The following CUL3 variants were observed in gnomAD, a reference collection of about 807,000 sequenced individuals.
The protein encoded by CUL3 is cullin 3, also known as cullin-3.
In CUL3, 19 loss-of-function variants were observed where a neutral mutation model predicts 89.1. That is an observed-to-expected ratio of 0.21 (90% confidence interval 0.15 to 0.31). CUL3 has a LOEUF of 0.31. Among genes scored for constraint, CUL3 ranks in the 10% least tolerant of loss-of-function variants. The pLI, the probability that CUL3 is intolerant of heterozygous loss-of-function variation, is 1.00. For synonymous variants in CUL3, 351 were observed against 308.4 expected (o/e 1.14, Z -1.45); for missense variants, 469 against 942.3 (o/e 0.50, Z 6.58).
At chr2:224,490,689 C>T (rs1360370901) in intron 13 of CUL3, among the ~76,000 whole-genome samples, 1 of 143,288 alleles carries the variant, frequency 7.0e-6, no homozygotes. Flanking sequence ...ACGTTCTGCA[C>T]ATACATCCCA....
intron 1 of CUL3, among the ~76,000 whole-genome samples, chr2:224,576,003 ATG>A (rs1278753876): frequency 2.0e-5 from 3 of 152,226 alleles, no homozygotes; most frequent in African/African-American, 7.2e-5. Context: ...TCTGTGAGGA[ATG>A]TATTAACATA....
intron 1 of CUL3, 114 bp from the exon 2 acceptor site, chr2:224,557,970 T>C (rs1574693747): frequency 1.6e-6 from 1 of 611,728 alleles, no homozygotes. Context: ...ATAGATATGA[T>C]TATAAATCTA....
At chr2:224,521,210 A>C (rs1411148389) in intron 3 of CUL3, among the ~76,000 whole-genome samples, 2 of 152,216 alleles carry the variant, frequency 1.3e-5, no homozygotes, top group Non-Finnish European at 2.9e-5. Context: ...ACCCAAGGAA[A>C]GAAACAACTT....
intron 13 of CUL3, among the ~76,000 whole-genome samples, chr2:224,487,313 C>T (rs540323510): frequency 6.6e-6 from 1 of 152,120 alleles, no homozygotes; most frequent in East Asian, 1.9e-4. Context: ...TTAAAAGACA[C>T]AGACTGGCAA....
chr2:224,535,223 G>A (rs1693844987), intron 3 of CUL3, among the ~76,000 whole-genome samples: 1 of 152,104 alleles, frequency 6.6e-6, no homozygotes, highest in Non-Finnish European at 1.5e-5. Flanking sequence ...GTTTCACTCT[G>A]TTGCCCAAGT....
At chr2:224,521,506 C>T (rs1370382220) in intron 3 of CUL3, among the ~76,000 whole-genome samples, 1 of 151,574 alleles carries the variant, frequency 6.6e-6, no homozygotes, top group Non-Finnish European at 1.5e-5. Context: ...TCTCGGTTCA[C>T]TGCAACTTCC....
At chr2:224,558,972 T>C (rs1559223503) in intron 1 of CUL3, among the ~76,000 whole-genome samples, 1 of 150,796 alleles carries the variant, frequency 6.6e-6, no homozygotes, top group Non-Finnish European at 1.5e-5. Context: ...AGGAGAATGG[T>C]GTGAGCCCGG....
intron 2 of CUL3, among the ~76,000 whole-genome samples, chr2:224,540,853 C>T (rs1020835288): frequency 6.6e-6 from 1 of 152,186 alleles, no homozygotes; most frequent in African/African-American, 2.4e-5. Flanking sequence ...TTGTTCTCTT[C>T]TGTGTCCACG....
At chr2:224,555,928 A>G (rs1313061645) in intron 2 of CUL3, among the ~76,000 whole-genome samples, 1 of 152,164 alleles carries the variant, frequency 6.6e-6, no homozygotes, top group Non-Finnish European at 1.5e-5. Context: ...CATCTCTCAC[A>G]TCACAATAAA....
chr2:224,478,750 T>C (rs968447262), intron 14 of CUL3: 8 of 162,680 alleles, frequency 4.9e-5, no homozygotes, highest in Non-Finnish European at 1.1e-4. Flanking sequence ...TAGGTATCTG[T>C]TGTCTTACTA....
In CUL3 at chr2:224,568,441, G is replaced by A. The variant is rs185095533; in HGVS notation, c.67-10585C>T. ...CACAGAAGGTTGTAAACAAATGTCT[G>A]TTGAATGAATACTACTTTATCCATG... On this transcript the variant is annotated intron_variant, in intron 1 of 15. Transcript: ENST00000264414. Among the ~76,000 whole-genome samples the A allele has an allele frequency of 2.9e-3, 434 of 152,270 alleles. 1 individual carries two copies. The highest frequency in any genetic ancestry group is 5.3e-3 in the Non-Finnish European group (357 of 67,998).
At chr2:224,580,470 G>T (rs1438271234) in intron 1 of CUL3, among the ~76,000 whole-genome samples, 2 of 152,164 alleles carry the variant, frequency 1.3e-5, no homozygotes, top group South Asian at 2.1e-4. Flanking sequence ...GATCACCTAA[G>T]ATCAGGAGTT....
At chr2:224,568,475 A>G (rs1228225870) in intron 1 of CUL3, among the ~76,000 whole-genome samples, 1 of 152,228 alleles carries the variant, frequency 6.6e-6, no homozygotes, top group African/African-American at 2.4e-5. Flanking sequence ...TGTTATACCA[A>G]TGTAATTTTG....
intron 1 of CUL3, 36 bp from the exon 2 acceptor site, chr2:224,557,892 A>AAAAC: frequency 3.5e-6 from 4 of 1,145,720 alleles, no homozygotes; most frequent in East Asian, 2.6e-5. Context: ...ACAAAAAAAA[A>AAAAC]AAAAAAAAAA....
chr2:224,563,154 A>C (rs1398116775), intron 1 of CUL3: 2 of 442,178 alleles, frequency 4.5e-6, no homozygotes, highest in South Asian at 3.4e-5. Context: ...ATATGAGCTA[A>C]AACAAAGGCA....
intron 13 of CUL3, among the ~76,000 whole-genome samples, chr2:224,492,924 A>C (rs1287138245): frequency 6.6e-6 from 1 of 152,190 alleles, no homozygotes; most frequent in African/African-American, 2.4e-5. Flanking sequence ...CCAAGATTTG[A>C]GGACAAAGAG....
chr2:224,577,622 G>A (rs1327040106), intron 1 of CUL3, among the ~76,000 whole-genome samples: 2 of 150,600 alleles, frequency 1.3e-5, no homozygotes, highest in African/African-American at 4.9e-5. Context: ...TGGTATTCAA[G>A]CCCACACTCT....
At chr2:224,508,526 C>T (rs1274677177) in intron 6 of CUL3, among the ~76,000 whole-genome samples, 1 of 152,110 alleles carries the variant, frequency 6.6e-6, no homozygotes, top group Non-Finnish European at 1.5e-5. Context: ...TTAGATATTA[C>T]ATGTTGTGTA....
intron 1 of CUL3, among the ~76,000 whole-genome samples, chr2:224,568,963 T>A (rs1695114021): frequency 6.6e-6 from 1 of 152,118 alleles, no homozygotes; most frequent in South Asian, 2.1e-4. Context: ...CAACATTAAC[T>A]GCTACTGAAA....
Sources: allele counts gnomAD v4.1 joint callset (sites outside exome capture counted in the v4.1 genomes callset), GRCh38; gene constraint gnomAD v4.1.1; transcripts MANE v1.5; gene names NCBI Gene and HGNC (gene_info 2026-07-23, HGNC 2026-07-21).